Variants in GRIK4 observed in about 807,000 individuals in gnomAD.
GRIK4 encodes glutamate receptor ionotropic, kainate 4.
GRIK4 carries 40 observed loss-of-function variants against 104.9 expected under a neutral mutation model. The ratio of observed to expected loss-of-function variants is 0.38; its 90% confidence interval spans 0.30 to 0.50. GRIK4 has a LOEUF of 0.50. Among genes scored for constraint, GRIK4 ranks in the 20% least tolerant of loss-of-function variants. The probability of loss-of-function intolerance (pLI) is 0.93; values close to 1 mark genes in which losing one functional copy is unlikely to be tolerated. For synonymous variants in GRIK4, 485 were observed against 524.9 expected, an observed-to-expected ratio of 0.92 and a Z score of 1.04; for missense variants, 1,047 against 1,308.1, an observed-to-expected ratio of 0.80 and a Z score of 3.08.
At chr11:120,792,509 A>T (rs943430782) in intron 3 of GRIK4, among the ~76,000 whole-genome samples, 1 of 152,058 alleles carries the variant, frequency 6.6e-6, no homozygotes, top group Non-Finnish European at 1.5e-5. Flanking sequence ...TGGAGGCAGG[A>T]AAACCAGATA....
intron 1 of GRIK4, among the ~76,000 whole-genome samples, chr11:120,603,060 G>C (rs1020915001): frequency 6.6e-6 from 1 of 152,232 alleles, no homozygotes; most frequent in Admixed American, 6.5e-5. Context: ...AGGTAGGAGA[G>C]AAGGAGGAAG....
chr11:120,629,115 G>A (rs1286522933), intron 1 of GRIK4, among the ~76,000 whole-genome samples: 2 of 152,166 alleles, frequency 1.3e-5, no homozygotes, highest in African/African-American at 4.8e-5. Flanking sequence ...GGGTGTTGTG[G>A]AGGAGGTGGC....
chr11:120,773,467 G>T (rs890053711), intron 3 of GRIK4, among the ~76,000 whole-genome samples: 1 of 152,236 alleles, frequency 6.6e-6, no homozygotes, highest in African/African-American at 2.4e-5. Context: ...AAACCACCAG[G>T]GACCAAACAC....
chr11:120,814,429 G>A (rs190871215), intron 4 of GRIK4, among the ~76,000 whole-genome samples: 26 of 152,164 alleles, frequency 1.7e-4, no homozygotes, highest in Non-Finnish European at 3.1e-4. Context: ...GTGAAACCCC[G>A]TCGCTACTAA....
rs191919259 is a variant in GRIK4 at position 120,561,818 on chromosome 11, C to T, written c.-159+49931C>T. ...AGTCTTAGCTGTTTCTTTTTCCTGC[C>T]TTCTCCTCCAGTCATATATCTGGAT... On this transcript the variant is annotated intron_variant, in intron 1 of 20. Transcript: ENST00000527524. 6.6e-5 allele frequency among the ~76,000 whole-genome samples: 10 copies of T among 152,314 alleles called. No homozygotes were observed. In the East Asian group the frequency reaches 1.9e-3, roughly 29 times the overall value.
intron 3 of GRIK4, among the ~76,000 whole-genome samples, chr11:120,791,564 C>T (rs931185822): frequency 6.6e-6 from 1 of 152,170 alleles, no homozygotes; most frequent in African/African-American, 2.4e-5. Flanking sequence ...TATGGCTTGT[C>T]TTTCATTCCA....
At chr11:120,580,243 CTT>C (rs1224286541) in intron 1 of GRIK4, among the ~76,000 whole-genome samples, 3 of 132,112 alleles carry the variant, frequency 2.3e-5, no homozygotes, top group Non-Finnish European at 4.8e-5. Context: ...TTCTTTCTTT[CTT>C]TCTTTCTTTT....
chr11:120,920,378 G>A (rs938494221), intron 13 of GRIK4, among the ~76,000 whole-genome samples: 7 of 151,928 alleles, frequency 4.6e-5, no homozygotes, highest in Admixed American at 2.0e-4. Flanking sequence ...CACCCACCTC[G>A]GTCCCCAAAC....
At chr11:120,936,048 C>T (rs2134627328) in intron 13 of GRIK4, 1 of 119,204 alleles carries the variant, frequency 8.4e-6, no homozygotes, top group South Asian at 8.5e-5. Flanking sequence ...TCATCCTGGT[C>T]TTCATCTTCT....
chr11:120,901,349 G>A (rs895333269), intron 12 of GRIK4, among the ~76,000 whole-genome samples: 13 of 151,328 alleles, frequency 8.6e-5, no homozygotes, highest in African/African-American at 3.2e-4. Context: ...GCCCCTCCCT[G>A]CCTTGGCACA....
At chr11:120,760,689 T>C (rs1951735123) in intron 3 of GRIK4, among the ~76,000 whole-genome samples, 4 of 152,132 alleles carry the variant, frequency 2.6e-5, no homozygotes, top group Admixed American at 2.6e-4. Context: ...AGTGAGAACA[T>C]GCAGTGTTTG....
intron 3 of GRIK4, among the ~76,000 whole-genome samples, chr11:120,763,257 T>C (rs553805480): frequency 3.3e-5 from 5 of 152,352 alleles, no homozygotes; most frequent in Admixed American, 1.3e-4. Context: ...TATTCTCTGA[T>C]GGTAGTTCGT....
intron 1 of GRIK4, among the ~76,000 whole-genome samples, chr11:120,518,730 T>C (rs1947759925): frequency 6.6e-6 from 1 of 152,204 alleles, no homozygotes. Context: ...GTGATTCTCC[T>C]GCCTCAGCCT....
At chr11:120,681,645 A>T (rs1025037712) in intron 3 of GRIK4, among the ~76,000 whole-genome samples, 5 of 152,168 alleles carry the variant, frequency 3.3e-5, no homozygotes, top group African/African-American at 1.2e-4. Flanking sequence ...GCGTAATGAG[A>T]ACAGAGAACA....
At chr11:120,682,919 T>G (rs945193757) in intron 3 of GRIK4, among the ~76,000 whole-genome samples, 7 of 152,098 alleles carry the variant, frequency 4.6e-5, no homozygotes, top group African/African-American at 1.4e-4. Context: ...AGTGTCTGCC[T>G]GGTGAATGCT....
rs150659517 is a variant in GRIK4 at position 120,940,973 on chromosome 11, C to G, written c.1590+513C>G. On this transcript the variant is annotated intron_variant, in intron 14 of 20. Coordinates refer to ENST00000527524, the MANE Select transcript of GRIK4 (RefSeq NM_014619.5). The surrounding 1 kb of genome is among the most constrained non-coding windows in gnomAD (Gnocchi z 4.3). Reference sequence around the variant, plus strand: ...GCATTCCATGCCCCCATCAGAAAGACTCCTCTGGCTAGGTAGGCCAGGGTG... The same window carrying G: ...GCATTCCATGCCCCCATCAGAAAGAGTCCTCTGGCTAGGTAGGCCAGGGTG... 1.4e-3 allele frequency among the ~76,000 whole-genome samples: 206 copies of G among 152,324 alleles called. 2 individuals are homozygous for G. The highest frequency in any genetic ancestry group is 4.7e-3 in the African/African-American group (196 of 41,568).
At chr11:120,888,960 C>G (rs1955196709) in intron 11 of GRIK4, among the ~76,000 whole-genome samples, 1 of 152,174 alleles carries the variant, frequency 6.6e-6, no homozygotes, top group Non-Finnish European at 1.5e-5. Context: ...CTTCCCTGGA[C>G]TTGTTTTTGA....
At chr11:120,756,098 G>A (rs1951646370) in intron 3 of GRIK4, among the ~76,000 whole-genome samples, 1 of 152,152 alleles carries the variant, frequency 6.6e-6, no homozygotes, top group Admixed American at 6.5e-5. Flanking sequence ...GATGCTATCT[G>A]CCCCAGGATG....
intron 13 of GRIK4, among the ~76,000 whole-genome samples, chr11:120,921,355 G>T (rs1276820747): frequency 6.6e-6 from 1 of 152,202 alleles, no homozygotes; most frequent in Non-Finnish European, 1.5e-5. Flanking sequence ...ACCAGGGGAT[G>T]GGTGGTTGGA....
Sources: allele counts gnomAD v4.1 joint callset (sites outside exome capture counted in the v4.1 genomes callset), GRCh38; gene constraint gnomAD v4.1.1; non-coding constraint Gnocchi (gnomAD v3.1); transcripts MANE v1.5; gene names NCBI Gene and HGNC (gene_info 2026-07-23, HGNC 2026-07-21).